The following EYS variants were observed in gnomAD, a reference collection of about 807,000 sequenced individuals.
The protein encoded by EYS is protein eyes shut homolog.
Under a neutral mutation model 282.1 loss-of-function variants are expected in EYS, and 250 were observed. The observed-to-expected ratio is 0.89, with a 90% confidence interval of 0.80 to 0.98. The LOEUF (loss-of-function observed/expected upper bound fraction) is 0.98. EYS is among the 50% of genes least tolerant of loss of function. The pLI, the probability that EYS is intolerant of heterozygous loss-of-function variation, is 0.00. For missense variants in EYS, 4,016 were observed against 3,709.0 expected, an observed-to-expected ratio of 1.08 and a Z score of -2.15; for synonymous variants, 1,355 against 1,282.9, an observed-to-expected ratio of 1.06 and a Z score of -1.20.
chr6:65,586,063 G>C (rs916925687), intron 2 of EYS, among the ~76,000 whole-genome samples: 1 of 151,990 alleles, frequency 6.6e-6, no homozygotes, highest in Non-Finnish European at 1.5e-5. Flanking sequence ...GGTGGTTTCA[G>C]GCTCCATTTT....
At chr6:63,991,128 T>C (rs985708408) in intron 34 of EYS, among the ~76,000 whole-genome samples, 3 of 151,668 alleles carry the variant, frequency 2.0e-5, no homozygotes, top group Non-Finnish European at 4.4e-5. Context: ...TATGAGCTCC[T>C]GAAAGAAGAA....
chr6:64,527,465 A>G (rs1186327713), intron 26 of EYS, among the ~76,000 whole-genome samples: 1 of 151,868 alleles, frequency 6.6e-6, no homozygotes, highest in Non-Finnish European at 1.5e-5. Context: ...TTTCAGAGGC[A>G]TTCTTATTTC....
intron 5 of EYS, among the ~76,000 whole-genome samples, chr6:65,432,803 C>T (rs910686735): frequency 6.6e-6 from 1 of 151,724 alleles, no homozygotes; most frequent in African/African-American, 2.4e-5. Flanking sequence ...GACATGGCAG[C>T]AATGAAATGG....
intron 8 of EYS, among the ~76,000 whole-genome samples, chr6:65,375,334 C>T (rs1371904900): frequency 2.0e-5 from 3 of 152,102 alleles, no homozygotes; most frequent in African/African-American, 7.2e-5. Flanking sequence ...CAAGCAATAA[C>T]ATCAAAGTCA....
At chr6:64,415,297 C>A (rs1774025175) in intron 28 of EYS, among the ~76,000 whole-genome samples, 1 of 152,154 alleles carries the variant, frequency 6.6e-6, no homozygotes, top group African/African-American at 2.4e-5. Flanking sequence ...GGCCTTATGT[C>A]TTTGGACACA....
At chr6:65,570,472 A>G (rs1408477925) in intron 2 of EYS, among the ~76,000 whole-genome samples, 1 of 152,172 alleles carries the variant, frequency 6.6e-6, no homozygotes, top group African/African-American at 2.4e-5. Context: ...AAAATTCATG[A>G]AAAATGCAGA....
intron 29 of EYS, among the ~76,000 whole-genome samples, chr6:64,374,229 G>C (rs1772490953): frequency 6.8e-6 from 1 of 147,496 alleles, no homozygotes; most frequent in African/African-American, 2.5e-5. Context: ...GAGTGGTGTG[G>C]GGGTTAGGGC....
chr6:64,398,320 C>T lies in EYS; in HGVS notation c.5928-9480G>A, dbSNP rs138831604. Among the ~76,000 whole-genome samples the T allele has an allele frequency of 7.9e-5, 12 of 151,864 alleles. No individual in the cohort carries two copies. The East Asian group carries it at 9.7e-4, about 12-fold the overall frequency. ...TCTTTCAGTAAGAAACTTGAACACG[C>T]GTTAGGAGATGGAAGGAGATGGATT... On this transcript the variant is annotated intron_variant, in intron 28 of 42. Coordinates refer to ENST00000503581, the MANE Select transcript of EYS (RefSeq NM_001142800.2).
At chr6:65,161,406 T>A (rs1225493643) in intron 12 of EYS, among the ~76,000 whole-genome samples, 1 of 151,000 alleles carries the variant, frequency 6.6e-6, no homozygotes, top group East Asian at 2.0e-4. Context: ...CAAGCCTCTC[T>A]CAGAGCATGA....
chr6:64,279,413 G>C (rs1206473780), intron 30 of EYS, among the ~76,000 whole-genome samples: 2 of 152,040 alleles, frequency 1.3e-5, no homozygotes, highest in African/African-American at 2.4e-5. Flanking sequence ...TTATAGTCAG[G>C]GTTGAGGAAT....
At position 65,387,714 on chromosome 6, in the gene EYS, C is replaced by T. The variant is rs540786189; in HGVS notation, c.1185-3214G>A. 2.2e-3 allele frequency among the ~76,000 whole-genome samples: 327 copies of T among 151,974 alleles called. 3 individuals carry two copies. The highest frequency in any genetic ancestry group is 6.2e-3 in the Admixed American group (95 of 15,206). ...TTATAAACTAACTTCAGATAGTTTT[C>T]TCTGCTGTGGTAACTTGAAATACTC... On this transcript the variant is annotated intron_variant, in intron 7 of 42. Transcript: ENST00000503581.
chr6:65,014,292 G>A (rs192463902), intron 13 of EYS, among the ~76,000 whole-genome samples: 4 of 152,286 alleles, frequency 2.6e-5, no homozygotes, highest in African/African-American at 9.6e-5. Context: ...TCAGTCTTGT[G>A]AGACCATGAG....
intron 28 of EYS, among the ~76,000 whole-genome samples, chr6:64,431,759 C>A (rs933434353): frequency 6.6e-6 from 1 of 152,084 alleles, no homozygotes; most frequent in Non-Finnish European, 1.5e-5. Flanking sequence ...TTCCTTCCTA[C>A]CTAAATAATC....
chr6:64,169,658 A>C (rs115303524), intron 31 of EYS, among the ~76,000 whole-genome samples: 4,573 of 152,150 alleles, frequency 0.03, 227 homozygotes, highest in African/African-American at 0.1. Flanking sequence ...AAAGCCAGTA[A>C]GAGAAATACA....
chr6:63,912,940 T>C (rs1014694674), intron 35 of EYS, among the ~76,000 whole-genome samples: 2 of 152,150 alleles, frequency 1.3e-5, no homozygotes, highest in Non-Finnish European at 2.9e-5. Flanking sequence ...TTACCCAGTG[T>C]CAGGAATTTA....
intron 24 of EYS, among the ~76,000 whole-genome samples, chr6:64,611,216 A>G (rs1767106130): frequency 6.6e-6 from 1 of 152,048 alleles, no homozygotes; most frequent in South Asian, 2.1e-4. Flanking sequence ...CTTATTTCTT[A>G]TGGCTATTTT....
At chr6:65,135,531 T>G (rs998661302) in intron 12 of EYS, among the ~76,000 whole-genome samples, 5 of 152,076 alleles carry the variant, frequency 3.3e-5, no homozygotes, top group Admixed American at 2.6e-4. Context: ...GTAGTTTCAG[T>G]GGATTTAAAA....
In EYS at chr6:64,817,011, T is replaced by A. The variant is rs1764757875; in HGVS notation, c.3244-3434A>T. ...AGTAGAATAATTTTCTATGATTGAT[T>A]AAGTGGAAAAGCAAGGTACTCTGTG... On this transcript the variant is annotated intron_variant, in intron 21 of 42. Transcript: ENST00000503581. Among the ~76,000 whole-genome samples the A allele has an allele frequency of 2.6e-5, 4 of 151,834 alleles. No homozygotes were observed. In the South Asian group the frequency reaches 8.3e-4, roughly 32 times the overall value.
chr6:64,263,914 T>C (rs1767671377), intron 30 of EYS, among the ~76,000 whole-genome samples: 1 of 152,134 alleles, frequency 6.6e-6, no homozygotes, highest in African/African-American at 2.4e-5. Context: ...ATATGCAAAG[T>C]TATGCAATAA....
Sources: gnomAD v4.1 joint callset for allele counts (sites outside exome capture counted in the v4.1 genomes callset) on GRCh38, gnomAD v4.1.1 for gene constraint, MANE v1.5 for transcripts, NCBI Gene and HGNC (gene_info 2026-07-23, HGNC 2026-07-21) for gene names.